Variants in COG5 observed in about 807,000 individuals in gnomAD.
The protein encoded by COG5 is component of oligomeric golgi complex 5.
A neutral mutation model predicts 110.4 loss-of-function variants in COG5; 86 were observed. The observed-to-expected ratio is 0.78, with a 90% CI of 0.65 to 0.93. The LOEUF is 0.93. Ranked by LOEUF, COG5 falls within the 40% of genes least tolerant of loss-of-function variation. The probability of loss-of-function intolerance (pLI) is 0.00; values close to 1 mark genes in which losing one functional copy is unlikely to be tolerated. For missense variants in COG5, 1,077 were observed against 987.0 expected, an observed-to-expected ratio of 1.09 and a Z score of -1.22; for synonymous variants, 360 against 334.6, an observed-to-expected ratio of 1.08 and a Z score of -0.83.
intron 12 of COG5, among the ~76,000 whole-genome samples, chr7:107,295,382 T>C (rs561544523): frequency 2.0e-4 from 30 of 152,124 alleles, no homozygotes; most frequent in African/African-American, 4.8e-4. Context: ...ACATCCTATA[T>C]AGTAAGCAAC....
At chr7:107,505,003 C>T (rs1024586094) in intron 6 of COG5, among the ~76,000 whole-genome samples, 1 of 152,060 alleles carries the variant, frequency 6.6e-6, no homozygotes, top group Non-Finnish European at 1.5e-5. Flanking sequence ...TATTAAGAGT[C>T]TTTGTATGAT....
intron 7 of COG5, among the ~76,000 whole-genome samples, chr7:107,411,507 T>A (rs1021560426): frequency 6.6e-6 from 1 of 152,058 alleles, no homozygotes; most frequent in African/African-American, 2.4e-5. Context: ...TGAGAGAGGG[T>A]AAAGAAACTC....
At chr7:107,288,489 T>C (rs1404627796) in intron 12 of COG5, among the ~76,000 whole-genome samples, 1 of 152,174 alleles carries the variant, frequency 6.6e-6, no homozygotes, top group Admixed American at 6.6e-5. Flanking sequence ...TATTTGTCTT[T>C]TTGTTTATAG....
At chr7:107,322,611 A>G (rs548997346) in intron 11 of COG5, among the ~76,000 whole-genome samples, 21 of 152,302 alleles carry the variant, frequency 1.4e-4, no homozygotes, top group African/African-American at 5.1e-4. Flanking sequence ...AACTGGAACT[A>G]TCACACATTG....
intron 21 of COG5, chr7:107,207,772 T>C: frequency 1.0e-6 from 1 of 985,430 alleles, no homozygotes; most frequent in African/African-American, 1.7e-5. Context: ...ATTACTCTGA[T>C]TTTCAAATGA....
Position 107,281,396 on chromosome 7 carries a change from T to C in COG5, c.1479A>G (p.Glu493=). 2.5e-6 allele frequency: 4 copies of C among 1,610,460 alleles called. No individual in the cohort carries two copies. Among genetic ancestry groups the C allele is most frequent in the Non-Finnish European group, 3.4e-6 (4 of 1,176,828 alleles). Residue 493 remains glutamate (E), a synonymous_variant, in exon 14 of 22, where the codon GAA becomes GAG. Transcript: ENST00000297135. Reference sequence around the variant, plus strand: ...TTGTATCAACAGCAGCAACATTTAGTTCACTGGAGAAAATGAAAACAGTTT... The same window carrying C: ...TTGTATCAACAGCAGCAACATTTAGCTCACTGGAGAAAATGAAAACAGTTT... ...LDGIIKTIAS[E]LNVAAVDTNL...
intron 16 of COG5, among the ~76,000 whole-genome samples, chr7:107,249,815 C>A (rs1384483226): frequency 1.3e-5 from 2 of 151,338 alleles, no homozygotes; most frequent in East Asian, 3.9e-4. Flanking sequence ...TGTTGAGTAA[C>A]CCAAAATCCA....
chr7:107,341,931 A>G (rs1006839764), intron 10 of COG5, among the ~76,000 whole-genome samples: 3 of 152,212 alleles, frequency 2.0e-5, no homozygotes, highest in African/African-American at 7.2e-5. Context: ...AAAATTCTAA[A>G]AGAAAACCTA....
intron 6 of COG5, among the ~76,000 whole-genome samples, chr7:107,427,477 G>A (rs1793720214): frequency 6.6e-6 from 1 of 151,996 alleles, no homozygotes; most frequent in Non-Finnish European, 1.5e-5. Flanking sequence ...GGACTGAATT[G>A]TATTATGCAA....
intron 6 of COG5, among the ~76,000 whole-genome samples, chr7:107,452,624 G>A (rs1205045401): frequency 1.3e-5 from 2 of 152,142 alleles, no homozygotes; most frequent in Non-Finnish European, 2.9e-5. Context: ...TATCATCCAT[G>A]AGAGACATGA....
intron 19 of COG5, 139 bp from the exon 20 acceptor site, chr7:107,211,364 T>C (rs1012667069): frequency 8.4e-6 from 8 of 949,400 alleles, no homozygotes; most frequent in Middle Eastern, 2.4e-4. Flanking sequence ...AACCACTCTA[T>C]TCAGCCTTGA....
chr7:107,534,873 T>G (rs1219194910), intron 5 of COG5, among the ~76,000 whole-genome samples: 2 of 151,652 alleles, frequency 1.3e-5, no homozygotes, highest in East Asian at 3.8e-4. Context: ...TACATTCTTC[T>G]CAGTACCACA....
intron 15 of COG5, among the ~76,000 whole-genome samples, 181 bp from the exon 16 acceptor site, chr7:107,256,975 A>G (rs1802936285): frequency 6.6e-6 from 1 of 152,172 alleles, no homozygotes; most frequent in Admixed American, 6.5e-5. Context: ...GTTGAAAAAT[A>G]ATTTTGTGTA....
intron 7 of COG5, among the ~76,000 whole-genome samples, chr7:107,382,179 T>C (rs757552744): frequency 6.6e-6 from 1 of 152,164 alleles, no homozygotes; most frequent in Non-Finnish European, 1.5e-5. Flanking sequence ...CTGTGGTCAG[T>C]AAAGAATGTC....
intron 1 of COG5, 51 bp downstream of exon 1, chr7:107,563,752 G>C: frequency 6.2e-7 from 1 of 1,601,830 alleles, no homozygotes; most frequent in Non-Finnish European, 8.6e-7. Context: ...TCCAGGTGCG[G>C]AGCAGCGCAG....
chr7:107,283,528 T>A (rs769605254), intron 13 of COG5, 43 bp downstream of exon 13: 1 of 1,519,016 alleles, frequency 6.6e-7, no homozygotes, highest in Non-Finnish European at 9.1e-7. Flanking sequence ...CTAACAAATA[T>A]GGCAGTCATC....
rs938128054 is a variant in COG5, at chr7:107,326,424, C to A, written c.1027-1903G>T. 3.9e-5 allele frequency among the ~76,000 whole-genome samples: 6 copies of A among 152,102 alleles called. No homozygotes were observed. In the South Asian group the frequency reaches 1.2e-3, roughly 32 times the overall value. ...GATAATCCTAGACTCCTCAAAAAGG[C>A]CTGTTAAAATAATAACTGAATTCAG... On this transcript the variant is annotated intron_variant, in intron 10 of 21. Transcript: ENST00000297135.
At chr7:107,476,278 A>G (rs1318288186) in intron 6 of COG5, among the ~76,000 whole-genome samples, 2 of 146,294 alleles carry the variant, frequency 1.4e-5, no homozygotes, top group Non-Finnish European at 3.0e-5. Flanking sequence ...TAGAAAGTTA[A>G]CTACCCAAAT....
At chr7:107,495,943 T>C (rs1396376839) in intron 6 of COG5, among the ~76,000 whole-genome samples, 1 of 121,330 alleles carries the variant, frequency 8.2e-6, no homozygotes, top group Non-Finnish European at 1.7e-5. Context: ...TTTTACTCAT[T>C]TTTTAATTAT....
Sources: gnomAD v4.1 joint callset for allele counts (sites outside exome capture counted in the v4.1 genomes callset) on GRCh38, gnomAD v4.1.1 for gene constraint, MANE v1.5 for transcripts, NCBI Gene and HGNC (gene_info 2026-07-23, HGNC 2026-07-21) for gene names.